The following CNST variants were observed in gnomAD, a reference collection of about 807,000 sequenced individuals.
CNST encodes consortin.
A neutral mutation model predicts 72.4 loss-of-function variants in CNST; 39 were observed. The observed-to-expected ratio is 0.54, with a 90% CI of 0.42 to 0.70. The LOEUF (loss-of-function observed/expected upper bound fraction) is 0.70, where lower values mean the gene tolerates loss of function less well. Ranked by LOEUF, CNST falls within the 30% of genes least tolerant of loss-of-function variation. The pLI is 0.00. For synonymous variants in CNST, 332 were observed against 320.1 expected (o/e 1.04, Z -0.40); for missense variants, 871 against 868.5 (o/e 1.00, Z -0.04).
intron 2 of CNST, among the ~76,000 whole-genome samples, chr1:246,594,101 GT>G (rs1661723798): frequency 6.6e-6 from 1 of 152,130 alleles, no homozygotes; most frequent in East Asian, 1.9e-4. Context: ...CTATGAGTCA[GT>G]CATAGCTTTA....
intron 8 of CNST, among the ~76,000 whole-genome samples, chr1:246,645,423 A>ATTTTTT (rs762655117): frequency 1.9e-4 from 20 of 106,064 alleles, no homozygotes; most frequent in African/African-American, 6.6e-4. Flanking sequence ...AAAGGTTAAA[A>ATTTTTT]CTTTTTTTTT....
chr1:246,633,853 G>A lies in CNST; in HGVS notation c.617-71G>A, dbSNP rs182509817. On this transcript the variant is annotated intron_variant, in intron 4 of 10. Coordinates refer to ENST00000366513, the MANE Select transcript of CNST (RefSeq NM_152609.3). ...GCTGCAAATTTCTCAACATCTATAG[G>A]ACATTGTTCTTCAAATATGGGAATA... 2,820 of 1,000,100 alleles carry A rather than the reference G, an allele frequency of 2.8e-3. 16 individuals are homozygous for A. The highest frequency in any genetic ancestry group is 0.011 in the South Asian group (808 of 73,080). The allele number at this position is 1,000,100 out of a possible 1,614,324, so 62.0% of individuals were successfully genotyped here. A position where few individuals can be genotyped will look rare whatever the true frequency, so the allele number is the denominator to read the frequency against.
At chr1:246,621,301 T>C in intron 2 of CNST, 128 bp from the exon 3 acceptor site, 1 of 711,914 alleles carries the variant, frequency 1.4e-6, no homozygotes, top group Non-Finnish European at 2.5e-6. Flanking sequence ...GATAAACACA[T>C]TTACCTTCCT....
intron 3 of CNST, among the ~76,000 whole-genome samples, chr1:246,631,342 C>G (rs1401905284): frequency 1.3e-5 from 2 of 152,184 alleles, no homozygotes; most frequent in African/African-American, 4.8e-5. Flanking sequence ...CTGGCCTTTT[C>G]TTAACTATCA....
chr1:246,578,972 T>C (rs553738002), intron 1 of CNST, among the ~76,000 whole-genome samples: 3 of 152,218 alleles, frequency 2.0e-5, no homozygotes, highest in Non-Finnish European at 4.4e-5. Flanking sequence ...CTAATAGGAC[T>C]GTTGTGAGGA....
At chr1:246,625,716 G>A (rs6698906) in intron 3 of CNST, among the ~76,000 whole-genome samples, 2,816 of 151,976 alleles carry the variant, frequency 0.019, 95 homozygotes, top group African/African-American at 0.064. Flanking sequence ...CACTGCGCCC[G>A]GCCTAATTAT....
intron 2 of CNST, chr1:246,606,555 G>C (rs1000890473): frequency 1.2e-4 from 19 of 152,204 alleles, no homozygotes; most frequent in Middle Eastern, 3.4e-3. Flanking sequence ...GCATTTCCAG[G>C]GCTGAGGCGG....
chr1:246,575,579 A>C (rs1237340679), intron 1 of CNST, among the ~76,000 whole-genome samples: 1 of 152,164 alleles, frequency 6.6e-6, no homozygotes, highest in African/African-American at 2.4e-5. Flanking sequence ...GTGGGGGTGC[A>C]GGAGAATGGG....
At chr1:246,568,939 G>C (rs781777957) in intron 1 of CNST, among the ~76,000 whole-genome samples, 5 of 152,092 alleles carry the variant, frequency 3.3e-5, no homozygotes, top group Non-Finnish European at 5.9e-5. Flanking sequence ...TTGCTATGTT[G>C]CCCAGGCTGG....
chr1:246,596,771 C>T (rs1661917515), intron 2 of CNST, among the ~76,000 whole-genome samples: 1 of 152,174 alleles, frequency 6.6e-6, no homozygotes, highest in Admixed American at 6.6e-5. Context: ...AATCTACTTA[C>T]TTTTTCTACA....
chr1:246,634,151 A>G (rs1369578872), intron 5 of CNST, 141 bp downstream of exon 5: 2 of 631,748 alleles, frequency 3.2e-6, no homozygotes, highest in Admixed American at 6.0e-5. Flanking sequence ...AGAAAGTAGC[A>G]TTTTTACCAC....
intron 1 of CNST, among the ~76,000 whole-genome samples, chr1:246,577,798 G>C (rs184644169): frequency 6.6e-6 from 1 of 152,042 alleles, no homozygotes; most frequent in Non-Finnish European, 1.5e-5. Context: ...CTTTAGAAAA[G>C]AACTAAAACA....
intron 1 of CNST, among the ~76,000 whole-genome samples, chr1:246,579,887 C>T (rs142628750): frequency 4.7e-4 from 71 of 152,246 alleles, no homozygotes; most frequent in African/African-American, 1.7e-3. Context: ...AGCAGTTTCC[C>T]ATAAATTGTC....
At chr1:246,630,061 A>G (rs989439262) in intron 3 of CNST, among the ~76,000 whole-genome samples, 1 of 152,190 alleles carries the variant, frequency 6.6e-6, no homozygotes, top group African/African-American at 2.4e-5. Flanking sequence ...ATTGATTTCA[A>G]TTAGGTGTAA....
chr1:246,593,200 CTTT>C (rs1661661198), intron 2 of CNST, among the ~76,000 whole-genome samples: 2 of 151,948 alleles, frequency 1.3e-5, no homozygotes, highest in African/African-American at 4.8e-5. Context: ...AATTTGAAAA[CTTT>C]TTAATATAAT....
At chr1:246,582,356 C>CT (rs35015648) in intron 1 of CNST, among the ~76,000 whole-genome samples, 6,199 of 144,552 alleles carry the variant, frequency 0.043, 416 homozygotes, top group African/African-American at 0.15. Flanking sequence ...CACCTCCATG[C>CT]TTTTTTTTTT....
At position 246,642,026 on chromosome 1, in the gene CNST, C is replaced by T; in HGVS notation, c.926C>T (p.Thr309Ile). 1 of 1,603,034 alleles carries T rather than the reference C, an allele frequency of 6.2e-7. No individual in the cohort carries two copies. The highest frequency in any genetic ancestry group is 8.5e-7 in the Non-Finnish European group (1 of 1,172,180). ...GATCCAAAGGAAGGAGGAGCTACCA[C>T]CAAAGAGTCAGGTATGTTTTTAACT... ...SEDPKEGGAT[T>I]KESESKTCLG... The change falls in exon 8 of 11, where the codon ACC becomes ATC. Residue 309 changes from threonine (T) to isoleucine (I), a missense_variant. Thr to Ile is a moderately conservative substitution (Grantham distance 89). Transcript: ENST00000366513.
intron 2 of CNST, among the ~76,000 whole-genome samples, chr1:246,594,992 C>T (rs1361300866): frequency 6.6e-6 from 1 of 152,098 alleles, no homozygotes; most frequent in African/African-American, 2.4e-5. Context: ...TGGTGATTCA[C>T]CTCTAGTGCA....
At chr1:246,620,775 C>T (rs561300561) in intron 2 of CNST, among the ~76,000 whole-genome samples, 3 of 150,748 alleles carry the variant, frequency 2.0e-5, no homozygotes, top group South Asian at 2.1e-4. Flanking sequence ...TGCATACACA[C>T]GATGGGCTCT....
Sources: allele counts gnomAD v4.1 joint callset (sites outside exome capture counted in the v4.1 genomes callset), GRCh38; gene constraint gnomAD v4.1.1; transcripts MANE v1.5; gene names NCBI Gene and HGNC (gene_info 2026-07-23, HGNC 2026-07-21).